The following PSMB5 variants were observed in gnomAD, a reference collection of about 807,000 sequenced individuals.
The protein encoded by PSMB5 is proteasome subunit beta type-5.
PSMB5 carries 2 observed loss-of-function variants against 22.8 expected under a neutral mutation model. The ratio of observed to expected loss-of-function variants is 0.09; its 90% CI spans 0.04 to 0.28. PSMB5 has a LOEUF of 0.28. Ranked by LOEUF, PSMB5 falls within the 10% of genes least tolerant of loss-of-function variation. The pLI, the probability that PSMB5 is intolerant of heterozygous loss-of-function variation, is 1.00. For missense variants in PSMB5, 269 were observed against 343.8 expected, an observed-to-expected ratio of 0.78 and a Z score of 1.72; for synonymous variants, 133 against 135.3, an observed-to-expected ratio of 0.98 and a Z score of 0.12.
At chr14:23,027,389 A>AT (rs1329856981) in intron 2 of PSMB5, among the ~76,000 whole-genome samples, 17 of 144,028 alleles carry the variant, frequency 1.2e-4, no homozygotes, top group African/African-American at 4.4e-4. Flanking sequence ...TCAAAAAAAA[A>AT]AAAAATAATA....
chr14:23,029,394 T>A (rs1312465080), intron 2 of PSMB5, among the ~76,000 whole-genome samples: 1 of 152,162 alleles, frequency 6.6e-6, no homozygotes, highest in Non-Finnish European at 1.5e-5. Context: ...TCATGCTTCT[T>A]TCCTCCCTTT....
rs1038085901 is a variant in PSMB5 at position 23,026,117 on chromosome 14, T to G, written c.764A>C (p.His255Pro). The change falls in exon 3 of 3, where the codon CAT (histidine) becomes CCT (proline). Residue 255 changes from histidine (H) to proline (P), a missense_variant. Physicochemically the swap from His to Pro is moderately conservative, Grantham distance 77 (BLOSUM62 -2). Coordinates refer to ENST00000361611, the MANE Select transcript of PSMB5 (RefSeq NM_002797.5). ...RVSSDNVADL[H>P]EKYSGSTP is the part of the protein sequence containing the mutation. ...GGGGGTAGAGCCACTATACTTCTCA[T>G]GTAGATCAGCCACATTGTCACTGGA... 1.9e-6 allele frequency: 3 copies of G among 1,614,036 alleles called. No homozygotes were observed. Among genetic ancestry groups the G allele is most frequent in the Non-Finnish European group, 2.5e-6 (3 of 1,180,034 alleles).
chr14:23,031,424 C>T (rs1231344998), intron 2 of PSMB5, among the ~76,000 whole-genome samples: 1 of 152,208 alleles, frequency 6.6e-6, no homozygotes, highest in Admixed American at 6.5e-5. Context: ...AGTGGATACT[C>T]CCTACAGCCC....
intron 2 of PSMB5, among the ~76,000 whole-genome samples, chr14:23,028,603 T>C (rs1594712501): frequency 6.6e-6 from 1 of 152,356 alleles, no homozygotes; most frequent in East Asian, 1.9e-4. Flanking sequence ...GACCAGGGTT[T>C]GGCCAGGCCA....
Position 23,033,570 on chromosome 14 carries a change from T to G in PSMB5, c.303A>C (p.Leu101=). 1 of 1,614,196 alleles carries G rather than the reference T, an allele frequency of 6.2e-7. No homozygotes were observed. Among genetic ancestry groups the G allele is most frequent in the Non-Finnish European group, 8.5e-7 (1 of 1,180,036 alleles). The change falls in exon 2 of 3, where the codon CTA becomes CTC. Residue 101 remains leucine (L), a synonymous_variant. Coordinates refer to ENST00000361611, the MANE Select transcript of PSMB5 (RefSeq NM_002797.5). ...CCGCTGCGCCCCCAGCCATGGTGCC[T>G]AGCAGGTATGGGTTGATCTCTATCA... ...KKVIEINPYL[L]GTMAGGAADC...
chr14:23,025,872 GTAA>G lies in PSMB5; in HGVS notation c.*214_*216del. The G allele has an allele frequency of 7.1e-7, 1 of 1,408,516 alleles. No individual in the cohort carries two copies. Among genetic ancestry groups the G allele is most frequent in the Non-Finnish European group, 9.2e-7 (1 of 1,083,492 alleles). 87.3% of individuals were successfully genotyped at this position (1,408,516 alleles called of 1,614,324 possible). ...AGGCTGAGATTGAGTAGTGAGTAGT[GTAA>G]TGTTAACATCCAAGAAAGTAAAACA... On this transcript the variant is annotated 3_prime_UTR_variant, in exon 3 of 3. Coordinates refer to ENST00000361611, the MANE Select transcript of PSMB5 (RefSeq NM_002797.5).
chr14:23,026,729 C>T (rs920534191), intron 2 of PSMB5, among the ~76,000 whole-genome samples: 3 of 150,392 alleles, frequency 2.0e-5, no homozygotes, highest in Non-Finnish European at 3.0e-5. Flanking sequence ...GGATTACAGG[C>T]GTGAGCCACC....
At chr14:23,026,461 T>C (rs911895415) in intron 2 of PSMB5, 86 bp from the exon 3 acceptor site, 5 of 1,516,280 alleles carry the variant, frequency 3.3e-6, no homozygotes, top group Non-Finnish European at 4.4e-6. Flanking sequence ...GTAGTTCTTT[T>C]TTTTTGAGAT....
At chr14:23,027,699 A>G (rs1566714089) in intron 2 of PSMB5, 5 of 1,368,520 alleles carry the variant, frequency 3.7e-6, no homozygotes, top group Non-Finnish European at 5.1e-6. Context: ...AGACTCCAGG[A>G]TTCTACAACA....
Position 23,027,908 on chromosome 14 carries a change from C to T in PSMB5, c.506-1533G>A, listed in dbSNP as rs867263099. 16 of 1,102,838 alleles carry T rather than the reference C, an allele frequency of 1.5e-5. No individual in the cohort carries two copies. In the Middle Eastern group the frequency reaches 2.1e-3, roughly 143 times the overall value. The allele number at this position is 1,102,838 out of a possible 1,614,324, so 68.3% of individuals were successfully genotyped here. A position where few individuals can be genotyped will look rare whatever the true frequency, so the allele number is the denominator to read the frequency against. ...CCCGTAATCCCAGCACTTTGGGAGG[C>T]CGAGGCAGGTGGGTCACCTGAGGTC... On this transcript the variant is annotated intron_variant, in intron 2 of 2. Coordinates refer to ENST00000361611, the MANE Select transcript of PSMB5 (RefSeq NM_002797.5).
At chr14:23,031,891 C>A (rs2046954778) in intron 2 of PSMB5, among the ~76,000 whole-genome samples, 1 of 152,158 alleles carries the variant, frequency 6.6e-6, no homozygotes, top group African/African-American at 2.4e-5. Flanking sequence ...GAGTTCAAGA[C>A]CAGCCTGGCC....
Position 23,033,422 on chromosome 14 carries a change from C to G in PSMB5, c.451G>C (p.Gly151Arg). The G allele has an allele frequency of 6.2e-7, 1 of 1,614,044 alleles. No homozygotes were observed. The highest frequency in any genetic ancestry group is 8.5e-7 in the Non-Finnish European group (1 of 1,180,020). Reference sequence around the variant, plus strand: ...ATGGTGCCCATGGACAGCCCCATGCCTTTGTACTGATACACCATGTTGGCA... The same window carrying G: ...ATGGTGCCCATGGACAGCCCCATGCGTTTGTACTGATACACCATGTTGGCA... ...LLANMVYQYK[G>R]MGLSMGTMIC... The change falls in exon 2 of 3, where the codon GGC (glycine) becomes CGC (arginine). Residue 151 changes from glycine to arginine, a missense_variant. Gly to Arg is a moderately radical substitution (Grantham distance 125). Coordinates refer to ENST00000361611, the MANE Select transcript of PSMB5 (RefSeq NM_002797.5).
At chr14:23,029,422 TC>T (rs1378947254) in intron 2 of PSMB5, among the ~76,000 whole-genome samples, 1 of 152,164 alleles carries the variant, frequency 6.6e-6, no homozygotes, top group East Asian at 1.9e-4. Context: ...ATGTTCCCTT[TC>T]CCTTTTTTAC....
At position 23,025,869 on chromosome 14, in the gene PSMB5, A is replaced by T; in HGVS notation, c.*220T>A. The T allele has an allele frequency of 1.4e-6, 2 of 1,402,888 alleles. No individual in the cohort carries two copies. The highest frequency in any genetic ancestry group is 1.5e-5 in the South Asian group (1 of 65,584). 86.9% of individuals were successfully genotyped at this position (1,402,888 alleles called of 1,614,324 possible). ...CACAGGCTGAGATTGAGTAGTGAGT[A>T]GTGTAATGTTAACATCCAAGAAAGT... is the stretch of plus-strand genomic sequence containing the variant. On this transcript the variant is annotated 3_prime_UTR_variant, in exon 3 of 3. Transcript: ENST00000361611.
intron 1 of PSMB5, 38 bp from the exon 2 acceptor site, chr14:23,033,712 A>G: frequency 6.4e-7 from 1 of 1,567,132 alleles, no homozygotes; most frequent in Non-Finnish European, 8.7e-7. Flanking sequence ...CAGGCCACAT[A>G]AGACCACAAA....
chr14:23,029,704 C>T (rs1352610661), intron 2 of PSMB5, among the ~76,000 whole-genome samples: 9 of 152,148 alleles, frequency 5.9e-5, no homozygotes, highest in Admixed American at 5.9e-4. Flanking sequence ...GCATGCACCT[C>T]CAGGGTTCAA....
intron 1 of PSMB5, 85 bp from the exon 2 acceptor site, chr14:23,033,759 C>A (rs1479921619): frequency 2.5e-6 from 3 of 1,186,206 alleles, no homozygotes; most frequent in Middle Eastern, 2.5e-4. Flanking sequence ...TCAATCCAAA[C>A]CCAGCACATC....
chr14:23,028,933 G>A (rs2046934448), intron 2 of PSMB5, among the ~76,000 whole-genome samples: 1 of 152,100 alleles, frequency 6.6e-6, no homozygotes, highest in Admixed American at 6.5e-5. Flanking sequence ...CATCTCTCTT[G>A]TGCGCCACAA....
At chr14:23,030,471 A>G (rs1405558767) in intron 2 of PSMB5, among the ~76,000 whole-genome samples, 1 of 152,006 alleles carries the variant, frequency 6.6e-6, no homozygotes, top group Non-Finnish European at 1.5e-5. Flanking sequence ...CCTGGGCGAC[A>G]GAGCGAGACT....
Sources: allele counts gnomAD v4.1 joint callset (sites outside exome capture counted in the v4.1 genomes callset), GRCh38; gene constraint gnomAD v4.1.1; transcripts MANE v1.5; gene names NCBI Gene and HGNC (gene_info 2026-07-23, HGNC 2026-07-21).